BFSP2: variants seen among roughly 807,000 people sequenced by gnomAD.
The protein encoded by BFSP2 is phakinin.
Under a neutral mutation model 44.9 loss-of-function variants are expected in BFSP2, and 38 were observed. That is an observed-to-expected ratio of 0.85 (90% CI 0.65 to 1.11). BFSP2 has a LOEUF of 1.11. Among genes scored for constraint, BFSP2 ranks in the 50% least tolerant of loss-of-function variants. The pLI is 0.00. For missense variants in BFSP2, 525 were observed against 533.0 expected, an observed-to-expected ratio of 0.99 and a Z score of 0.15; for synonymous variants, 197 against 209.9, an observed-to-expected ratio of 0.94 and a Z score of 0.53.
chr3:133,417,524 C>CCCA (rs142660264), intron 1 of BFSP2, among the ~76,000 whole-genome samples: 31,338 of 78,258 alleles, frequency 0.4, 8,577 homozygotes, highest in African/African-American at 0.69. Context: ...TTCCCTCGCT[C>CCCA]CCATCTCCCC....
At chr3:133,446,224 C>T (rs1458948663) in intron 1 of BFSP2, among the ~76,000 whole-genome samples, 7 of 152,036 alleles carry the variant, frequency 4.6e-5, no homozygotes, top group African/African-American at 1.7e-4. Context: ...AGTTCGAGAC[C>T]AGCCTGGCCA....
intron 1 of BFSP2, among the ~76,000 whole-genome samples, chr3:133,433,387 C>T (rs1475926063): frequency 1.3e-5 from 2 of 152,152 alleles, no homozygotes; most frequent in Non-Finnish European, 2.9e-5. Context: ...GAAATCTATC[C>T]TCAAGGAAAT....
intron 1 of BFSP2, among the ~76,000 whole-genome samples, chr3:133,426,044 A>C (rs1161855634): frequency 6.8e-6 from 1 of 146,118 alleles, no homozygotes; most frequent in Admixed American, 6.9e-5. Flanking sequence ...GAAGGGAAAA[A>C]GCTCTTCCTT....
At chr3:133,453,965 G>A (rs113260525) in intron 4 of BFSP2, among the ~76,000 whole-genome samples, 9,485 of 152,218 alleles carry the variant, frequency 0.062, 345 homozygotes, top group Admixed American at 0.12. Context: ...AGTTTTTGAA[G>A]CTTCTGAAGT....
chr3:133,463,856 G>A (rs572650168), intron 4 of BFSP2, among the ~76,000 whole-genome samples: 20 of 152,160 alleles, frequency 1.3e-4, no homozygotes, highest in African/African-American at 4.1e-4. Flanking sequence ...TGCCTCTCCC[G>A]CCCTGTTCAT....
At chr3:133,414,826 C>A (rs562786482) in intron 1 of BFSP2, among the ~76,000 whole-genome samples, 1 of 71,104 alleles carries the variant, frequency 1.4e-5, no homozygotes, top group African/African-American at 5.8e-5. Flanking sequence ...CCTACCACGT[C>A]TGCTCTATTC....
chr3:133,468,572 G>T (rs73861107), intron 5 of BFSP2, among the ~76,000 whole-genome samples: 7 of 152,228 alleles, frequency 4.6e-5, no homozygotes, highest in African/African-American at 1.4e-4. Flanking sequence ...TGACCACTCC[G>T]TGTAGCTAGC....
rs768625008 is a variant in BFSP2 at position 133,400,212 on chromosome 3, G to A, written c.129G>A (p.Arg43=). Residue 43 remains arginine, a synonymous_variant, in exon 1 of 7, where the codon AGG becomes AGA. Transcript: ENST00000302334. The surrounding 1 kb of genome is among the most constrained non-coding windows in gnomAD (Gnocchi z 4.0). The part of the protein sequence containing the change: ...SSSLESPPAS[R]TNAMSGLVRA... ...CCCTGGAGAGCCCCCCAGCCTCCAGGACCAATGCCATGAGTGGCCTTGTCC... is the reference window on the plus strand; with the variant it reads ...CCCTGGAGAGCCCCCCAGCCTCCAGAACCAATGCCATGAGTGGCCTTGTCC... The A allele has an allele frequency of 2.0e-5, 33 of 1,614,050 alleles. No homozygotes were observed. The highest frequency in any genetic ancestry group is 2.8e-5 in the Non-Finnish European group (33 of 1,179,994).
At chr3:133,424,125 C>T (rs998707737) in intron 1 of BFSP2, among the ~76,000 whole-genome samples, 1 of 151,652 alleles carries the variant, frequency 6.6e-6, no homozygotes, top group African/African-American at 2.4e-5. Flanking sequence ...AATCTCGGCT[C>T]ACTGCAACCT....
At position 133,418,905 on chromosome 3, in the gene BFSP2, G is replaced by A. The variant is rs975173784; in HGVS notation, c.489+18333G>A. Reference sequence around the variant, plus strand: ...TAATTTGGGCCTCTCCATAACATACGGGGCTACCTAGGAAGATGGGATTAT... The same window carrying A: ...TAATTTGGGCCTCTCCATAACATACAGGGCTACCTAGGAAGATGGGATTAT... On this transcript the variant is annotated intron_variant, in intron 1 of 6. Coordinates refer to ENST00000302334, the MANE Select transcript of BFSP2 (RefSeq NM_003571.4). Among the ~76,000 whole-genome samples the A allele has an allele frequency of 3.9e-5, 6 of 152,166 alleles. No homozygotes were observed. In the Middle Eastern group the frequency reaches 0.01, roughly 259 times the overall value.
chr3:133,450,334 G>C lies in BFSP2; in HGVS notation c.761G>C (p.Gly254Ala). ...DVKLLHKQLA[G>A]CELEQMDAPI... ...AAGCTGCTGCACAAACAGTTGGCAG[G>C]GTGTGAGCTGGAACAAATGGATGCT... Residue 254 changes from glycine (G) to alanine (A), a missense_variant, in exon 4 of 7, where the codon GGG (glycine) becomes GCG (alanine). Coordinates refer to ENST00000302334, the MANE Select transcript of BFSP2 (RefSeq NM_003571.4). The C allele has an allele frequency of 3.7e-6, 6 of 1,614,196 alleles. No homozygotes were observed. Among genetic ancestry groups the C allele is most frequent in the Non-Finnish European group, 5.1e-6 (6 of 1,180,026 alleles).
At chr3:133,428,491 A>AG (rs1169753678) in intron 1 of BFSP2, among the ~76,000 whole-genome samples, 7 of 151,660 alleles carry the variant, frequency 4.6e-5, no homozygotes, top group African/African-American at 1.7e-4. Flanking sequence ...CCAAAAAAAA[A>AG]AAGAGGATGG....
At chr3:133,461,667 T>A (rs538825353) in intron 4 of BFSP2, among the ~76,000 whole-genome samples, 1 of 152,334 alleles carries the variant, frequency 6.6e-6, no homozygotes, top group East Asian at 1.9e-4. Flanking sequence ...TGTAATACTT[T>A]TAGGTGAATT....
intron 4 of BFSP2, among the ~76,000 whole-genome samples, chr3:133,460,630 G>A (rs1017171688): frequency 5.9e-5 from 9 of 152,126 alleles, no homozygotes; most frequent in African/African-American, 2.2e-4. Context: ...TCCCCGGGGG[G>A]CTAAAAGTTA....
intron 1 of BFSP2, among the ~76,000 whole-genome samples, chr3:133,417,690 CT>C (rs1216457104): frequency 1.4e-5 from 2 of 145,932 alleles, no homozygotes; most frequent in African/African-American, 2.5e-5. Context: ...CTACTCAACC[CT>C]GTCCTCTTCC....
chr3:133,450,225 C>G (rs1281707898), intron 3 of BFSP2, 78 bp from the exon 4 acceptor site: 3 of 1,525,586 alleles, frequency 2.0e-6, no homozygotes, highest in Non-Finnish European at 2.7e-6. Context: ...GCCCACAGAG[C>G]TGGTTTTCTG....
intron 1 of BFSP2, among the ~76,000 whole-genome samples, chr3:133,440,875 A>C (rs73863542): frequency 6.6e-6 from 1 of 152,264 alleles, no homozygotes; most frequent in African/African-American, 2.4e-5. Flanking sequence ...TCAGAAGTGT[A>C]TTGTGGCTTC....
At position 133,400,198 on chromosome 3, in the gene BFSP2, C is replaced by A. The variant is rs745703781; in HGVS notation, c.115C>A (p.Pro39Thr). The A allele has an allele frequency of 6.2e-7, 1 of 1,614,068 alleles. No individual in the cohort carries two copies. The highest frequency in any genetic ancestry group is 1.1e-5 in the South Asian group (1 of 91,078). Residue 39 changes from proline to threonine, a missense_variant, in exon 1 of 7, where the codon CCC becomes ACC. Transcript: ENST00000302334. The surrounding 1 kb of genome is among the most constrained non-coding windows in gnomAD (Gnocchi z 4.0). The stretch of plus-strand genomic sequence containing the variant: ...ACGGTCATCATCCTCCCTGGAGAGC[C>A]CCCCAGCCTCCAGGACCAATGCCAT... ...GPRSSSSLES[P>T]PASRTNAMSG...
rs563916316 is a variant in BFSP2, at chr3:133,402,790, G to A, written c.489+2218G>A. Among the ~76,000 whole-genome samples the A allele has an allele frequency of 1.1e-4, 16 of 151,900 alleles. No individual in the cohort carries two copies. The East Asian group carries it at 2.3e-3, about 22-fold the overall frequency. ...TGAGTAGCTGGGATTACAGGTGCAC[G>A]CCACCACGCCCAGCTAATTTTTTTG... On this transcript the variant is annotated intron_variant, in intron 1 of 6. Transcript: ENST00000302334.
Sources: allele counts gnomAD v4.1 joint callset (sites outside exome capture counted in the v4.1 genomes callset), GRCh38; gene constraint gnomAD v4.1.1; non-coding constraint Gnocchi (gnomAD v3.1); transcripts MANE v1.5; gene names NCBI Gene and HGNC (gene_info 2026-07-23, HGNC 2026-07-21).